LRRK1: variants seen among roughly 807,000 people sequenced by gnomAD.
LRRK1 encodes the protein leucine-rich repeat serine/threonine-protein kinase 1.
Under a neutral mutation model 209.1 loss-of-function variants are expected in LRRK1, and 113 were observed. That is an observed-to-expected ratio of 0.54 (90% CI 0.46 to 0.63). LRRK1 has a LOEUF of 0.63. Ranked by LOEUF, LRRK1 falls within the 30% of genes least tolerant of loss-of-function variation. The probability of loss-of-function intolerance (pLI) is 0.00; values close to 1 mark genes in which losing one functional copy is unlikely to be tolerated. For missense variants in LRRK1, 2,284 were observed against 2,632.2 expected (o/e 0.87, Z 2.89); for synonymous variants, 1,144 against 1,099.7 (o/e 1.04, Z -0.80).
At chr15:100,946,141 C>G (rs2141616472) in intron 2 of LRRK1, among the ~76,000 whole-genome samples, 2 of 152,244 alleles carry the variant, frequency 1.3e-5, no homozygotes, top group African/African-American at 4.8e-5. Context: ...TGTAGGAGGA[C>G]TTAATATTGT....
chr15:101,060,955 G>A (rs1436086887), intron 29 of LRRK1, among the ~76,000 whole-genome samples: 1 of 152,240 alleles, frequency 6.6e-6, no homozygotes, highest in African/African-American at 2.4e-5. Flanking sequence ...CACGGAAAGA[G>A]GACAGCCTTT....
intron 2 of LRRK1, among the ~76,000 whole-genome samples, chr15:100,953,299 G>A (rs565656637): frequency 1.3e-5 from 2 of 152,148 alleles, no homozygotes; most frequent in South Asian, 4.2e-4. Flanking sequence ...CCATGCCCCA[G>A]CTCTTGGCAA....
chr15:101,076,813 T>G lies in LRRK1; in HGVS notation c.*7965T>G, dbSNP rs2924841. ...AGTCAGATAACTAAAATACCTCTTA[T>G]TCTAGGTAGACACTTTCACTGGATA... On this transcript the variant is annotated 3_prime_UTR_variant, in exon 34 of 34. Coordinates refer to ENST00000388948, the MANE Select transcript of LRRK1 (RefSeq NM_024652.6). 120,480 of 152,080 alleles carry G rather than the reference T, an allele frequency of 0.79. 47,989 individuals are homozygous for G. The highest frequency in any genetic ancestry group is 0.87 in the African/African-American group (35,999 of 41,476). The allele number at this position is 152,080 out of a possible 1,614,324, so 9.4% of individuals were successfully genotyped here. A position where few individuals can be genotyped will look rare whatever the true frequency, so the allele number is the denominator to read the frequency against.
chr15:101,066,260 G>A (rs2036526313), intron 32 of LRRK1, 55 bp downstream of exon 32: 14 of 1,546,954 alleles, frequency 9.1e-6, no homozygotes, highest in African/African-American at 1.4e-5. Context: ...CTCCTGCTCT[G>A]GGGACAGAGC....
At chr15:100,951,027 C>T (rs1054924778) in intron 2 of LRRK1, among the ~76,000 whole-genome samples, 8 of 152,158 alleles carry the variant, frequency 5.3e-5, no homozygotes, top group East Asian at 1.9e-4. Context: ...GGCGTGAACC[C>T]GGGAGGCGGA....
intron 12 of LRRK1, among the ~76,000 whole-genome samples, chr15:101,020,417 C>T (rs1404198638): frequency 2.1e-5 from 3 of 146,298 alleles, no homozygotes; most frequent in Non-Finnish European, 4.5e-5. Flanking sequence ...CTCTGTCACC[C>T]AGGCTGGAGT....
chr15:101,027,632 C>T lies in LRRK1; in HGVS notation c.2527-6C>T, dbSNP rs1230433124. Reference sequence around the variant, plus strand: ...AGAGACCCTGCCTCGCCCAACTGTCCCCCAGATCCCCAGGAGCTACCTGAG... The same window carrying T: ...AGAGACCCTGCCTCGCCCAACTGTCTCCCAGATCCCCAGGAGCTACCTGAG... On this transcript the variant is annotated splice_polypyrimidine_tract_variant and splice_region_variant and intron_variant, in intron 18 of 33. Coordinates refer to ENST00000388948, the MANE Select transcript of LRRK1 (RefSeq NM_024652.6). The surrounding 1 kb of genome is among the most constrained non-coding windows in gnomAD (Gnocchi z 5.1). 1.2e-6 allele frequency: 2 copies of T among 1,610,632 alleles called. No individual in the cohort carries two copies. Among genetic ancestry groups the T allele is most frequent in the East Asian group, 2.2e-5 (1 of 44,798 alleles).
intron 25 of LRRK1, 37 bp from the exon 26 acceptor site, chr15:101,053,186 C>T (rs1282376962): frequency 1.9e-6 from 3 of 1,596,066 alleles, no homozygotes; most frequent in African/African-American, 1.3e-5. Context: ...GCAGGCACCC[C>T]ATGTCCTACT....
chr15:101,063,189 A>G (rs894059156), intron 31 of LRRK1, among the ~76,000 whole-genome samples: 1 of 152,072 alleles, frequency 6.6e-6, no homozygotes, highest in African/African-American at 2.4e-5. Context: ...TCAGCTCTTT[A>G]ACCTCCTAGC....
chr15:101,065,054 C>G, intron 31 of LRRK1: 1 of 439,874 alleles, frequency 2.3e-6, no homozygotes, highest in East Asian at 4.2e-5. Context: ...CTGGCAGAAG[C>G]AGAGGCAGCC....
At chr15:100,953,511 T>C (rs2042695792) in intron 2 of LRRK1, among the ~76,000 whole-genome samples, 1 of 1,790 alleles carries the variant, frequency 5.6e-4, no homozygotes, top group South Asian at 0.1. Flanking sequence ...TGTGTGTCTA[T>C]ATATATATAT....
Position 101,065,356 on chromosome 15 carries a change from C to T in LRRK1, c.4919C>T (p.Ser1640Phe). 1.2e-6 allele frequency: 2 copies of T among 1,612,380 alleles called. No homozygotes were observed. The highest frequency in any genetic ancestry group is 1.7e-6 in the Non-Finnish European group (2 of 1,179,414). The stretch of plus-strand genomic sequence containing the variant: ...ATCCCTGTCTCCTTCCTTCAGAATT[C>T]CTACCTGGTCTTAGCGGGCCTCGCC... ...FLAVPVIKKN[S>F]YLVLAGLADG... is the part of the protein sequence containing the mutation. The change falls in exon 32 of 34, where the codon TCC (serine) becomes TTC (phenylalanine). Residue 1640 changes from serine (S) to phenylalanine (F), a missense_variant. Ser to Phe is a radical substitution (Grantham distance 155). This residue lies in a region of LRRK1 where 643 missense variants were observed against 695.9 expected (regional missense o/e 0.92). Transcript: ENST00000388948.
intron 6 of LRRK1, among the ~76,000 whole-genome samples, chr15:100,999,885 A>C (rs2032607574): frequency 6.6e-6 from 1 of 152,182 alleles, no homozygotes; most frequent in South Asian, 2.1e-4. Context: ...TTACATGTTG[A>C]CTGTTTAATA....
rs376945911 is a variant in LRRK1, at chr15:100,950,931, A to G, written c.98-22873A>G. Among the ~76,000 whole-genome samples the G allele has an allele frequency of 4.2e-3, 640 of 151,346 alleles. 5 individuals are homozygous for G. The highest frequency in any genetic ancestry group is 0.012 in the African/African-American group (504 of 41,342). ...ATCCTGGCTAACACGGTGAAACGCC[A>G]TCTCTACTAAAAATACAAAAAATTA... On this transcript the variant is annotated intron_variant, in intron 2 of 33. Coordinates refer to ENST00000388948, the MANE Select transcript of LRRK1 (RefSeq NM_024652.6).
chr15:101,007,383 C>T (rs1273639543), intron 6 of LRRK1, among the ~76,000 whole-genome samples: 2 of 152,174 alleles, frequency 1.3e-5, no homozygotes, highest in East Asian at 3.8e-4. Flanking sequence ...CAATATTCTT[C>T]GGTAATCAGG....
At chr15:101,000,083 T>C (rs886868902) in intron 6 of LRRK1, among the ~76,000 whole-genome samples, 3 of 152,244 alleles carry the variant, frequency 2.0e-5, no homozygotes, top group Non-Finnish European at 4.4e-5. Flanking sequence ...TCATTCAGTC[T>C]TTTATTTAAG....
intron 10 of LRRK1, among the ~76,000 whole-genome samples, chr15:101,012,583 G>C (rs1006564936): frequency 2.6e-4 from 40 of 152,222 alleles, no homozygotes; most frequent in Non-Finnish European, 4.9e-4. Context: ...GCCAACCCCA[G>C]AAGGGGCCCC....
At chr15:101,068,138 C>T (rs1328908060) in intron 33 of LRRK1, among the ~76,000 whole-genome samples, 1 of 152,164 alleles carries the variant, frequency 6.6e-6, no homozygotes, top group Non-Finnish European at 1.5e-5. Context: ...TAGCACACAC[C>T]CACCGATCCT....
At chr15:101,063,329 C>T (rs551312547) in intron 31 of LRRK1, among the ~76,000 whole-genome samples, 2 of 152,332 alleles carry the variant, frequency 1.3e-5, no homozygotes, top group East Asian at 1.9e-4. Context: ...CCGGCACCCT[C>T]CCCACAAAGC....
Sources: gnomAD v4.1 joint callset for allele counts (sites outside exome capture counted in the v4.1 genomes callset) on GRCh38, gnomAD v4.1.1 for gene constraint, gnomAD v4.1.1 regional missense constraint, Gnocchi (gnomAD v3.1) non-coding constraint, MANE v1.5 for transcripts, NCBI Gene and HGNC (gene_info 2026-07-23, HGNC 2026-07-21) for gene names.